RTN1: variants seen among roughly 807,000 people sequenced by gnomAD.
RTN1 encodes reticulon-1.
A neutral mutation model predicts 65.5 loss-of-function variants in RTN1; 25 were observed. The ratio of observed to expected loss-of-function variants is 0.38; its 90% CI spans 0.28 to 0.53. The LOEUF is 0.53. RTN1 is among the 20% of genes least tolerant of loss of function. The pLI, the probability that RTN1 is intolerant of heterozygous loss-of-function variation, is 0.79. For synonymous variants in RTN1, 471 were observed against 447.6 expected (o/e 1.05, Z -0.66); for missense variants, 983 against 1,025.4 (o/e 0.96, Z 0.57).
At chr14:59,864,989 T>C (rs1423632195) in intron 1 of RTN1, among the ~76,000 whole-genome samples, 1 of 152,200 alleles carries the variant, frequency 6.6e-6, no homozygotes, top group East Asian at 1.9e-4. Flanking sequence ...GAGCATGCTT[T>C]CTATATCTTT....
In RTN1 at chr14:59,746,476, C is replaced by A; in HGVS notation, c.247G>T (p.Ala83Ser). 1 of 1,578,698 alleles carries A rather than the reference C, an allele frequency of 6.3e-7. No homozygotes were observed. The highest frequency in any genetic ancestry group is 8.6e-7 in the Non-Finnish European group (1 of 1,164,298). ...TGGTCCATGGCACTGGAAACACCTGCCACACCTATGAATCAAAGCAGCAGC... is the reference window on the plus strand; with the variant it reads ...TGGTCCATGGCACTGGAAACACCTGACACACCTATGAATCAAAGCAGCAGC... ...VAMETASTGV[A>S]GVSSAMDHTF... The change falls in exon 2 of 9, where the codon GCA becomes TCA. Residue 83 changes from alanine (A) to serine (S), a missense_variant. Ala to Ser is a moderately conservative substitution (Grantham distance 99, BLOSUM62 1). This residue lies in a region of RTN1 where 818 missense variants were observed against 801.8 expected (regional missense o/e 1.02). Coordinates refer to ENST00000267484, the MANE Select transcript of RTN1 (RefSeq NM_021136.3).
At chr14:59,867,610 T>C (rs892091646) in intron 1 of RTN1, among the ~76,000 whole-genome samples, 31 of 152,228 alleles carry the variant, frequency 2.0e-4, no homozygotes, top group Admixed American at 1.7e-3. Context: ...TTTTTGGAAA[T>C]GTTCCTGGGA....
chr14:59,667,688 C>A (rs1158200148), intron 3 of RTN1, among the ~76,000 whole-genome samples: 3 of 152,166 alleles, frequency 2.0e-5, no homozygotes, highest in Non-Finnish European at 4.4e-5. Context: ...TTGCAGATGA[C>A]ATGACTGTAT....
intron 8 of RTN1, among the ~76,000 whole-genome samples, chr14:59,600,666 C>T (rs1323250923): frequency 6.6e-6 from 1 of 152,108 alleles, no homozygotes; most frequent in African/African-American, 2.4e-5. Context: ...GTTGTTTCCT[C>T]CTCTCTGATA....
chr14:59,811,221 T>C (rs1359987194), intron 1 of RTN1, among the ~76,000 whole-genome samples: 1 of 152,072 alleles, frequency 6.6e-6, no homozygotes, highest in Non-Finnish European at 1.5e-5. Flanking sequence ...TATCACTGAG[T>C]TGTATTAGTC....
Position 59,645,654 on chromosome 14 carries a change from A to T in RTN1, c.1766-38162T>A, listed in dbSNP as rs955425040. ...CTTGTCTCCAGGCTCTAGAGAGTCC[A>T]TGGGGACCCGGCACTGGTCTGAACC... On this transcript the variant is annotated intron_variant, in intron 3 of 8. Coordinates refer to ENST00000267484, the MANE Select transcript of RTN1 (RefSeq NM_021136.3). 4.6e-5 allele frequency among the ~76,000 whole-genome samples: 7 copies of T among 152,270 alleles called. No individual in the cohort carries two copies. In the East Asian group the frequency reaches 1.2e-3, roughly 25 times the overall value.
chr14:59,832,458 A>C, intron 1 of RTN1, among the ~76,000 whole-genome samples: 1 of 152,178 alleles, frequency 6.6e-6, no homozygotes, highest in South Asian at 2.1e-4. Context: ...AGGGGCTTCC[A>C]CTTGCACCTG....
At chr14:59,644,863 A>C (rs571426121) in intron 3 of RTN1, among the ~76,000 whole-genome samples, 18 of 151,862 alleles carry the variant, frequency 1.2e-4, no homozygotes, top group Non-Finnish European at 2.2e-4. Context: ...CTTGCTTCTC[A>C]TGGGGCAGGA....
chr14:59,766,524 G>C lies in RTN1; in HGVS notation c.242-20043C>G, dbSNP rs1197885080. ...GGGGAAGAAACTAGGGGTTCAAATA[G>C]AGCTATCCAGTTACCTCCTAGCTTC... On this transcript the variant is annotated intron_variant, in intron 1 of 8. Transcript: ENST00000267484. This position sits in a 1 kb window ranked among gnomAD's most constrained non-coding sequence, Gnocchi z 4.4. Among the ~76,000 whole-genome samples, 1 of 152,174 alleles carries C rather than the reference G, an allele frequency of 6.6e-6. No individual in the cohort carries two copies. The highest frequency in any genetic ancestry group is 1.5e-5 in the Non-Finnish European group (1 of 68,034).
chr14:59,820,602 A>G (rs1407824595), intron 1 of RTN1, among the ~76,000 whole-genome samples: 1 of 152,024 alleles, frequency 6.6e-6, no homozygotes, highest in African/African-American at 2.4e-5. Context: ...GGGTCGGTGC[A>G]GTTTCAGTCT....
chr14:59,853,130 T>C (rs890596100), intron 1 of RTN1, among the ~76,000 whole-genome samples: 8 of 152,326 alleles, frequency 5.3e-5, no homozygotes, highest in Non-Finnish European at 8.8e-5. Flanking sequence ...AAAAGACTTC[T>C]GAAAAATTCC....
intron 1 of RTN1, among the ~76,000 whole-genome samples, chr14:59,835,431 C>A (rs1594761026): frequency 6.6e-6 from 1 of 152,042 alleles, no homozygotes; most frequent in East Asian, 1.9e-4. Context: ...TTATTGTACC[C>A]TTTAAATTTG....
intron 2 of RTN1, among the ~76,000 whole-genome samples, chr14:59,739,621 C>A (rs1338518941): frequency 1.3e-5 from 2 of 151,294 alleles, no homozygotes; most frequent in African/African-American, 4.9e-5. Flanking sequence ...TGAATTATGA[C>A]AACTGGAGGT....
chr14:59,822,135 G>A (rs187480168), intron 1 of RTN1, among the ~76,000 whole-genome samples: 1 of 152,296 alleles, frequency 6.6e-6, no homozygotes. Flanking sequence ...GAATCCATCT[G>A]GCCTGGGGCC....
At chr14:59,644,991 AGCC>A (rs2140194483) in intron 3 of RTN1, among the ~76,000 whole-genome samples, 1 of 151,974 alleles carries the variant, frequency 6.6e-6, no homozygotes, top group Admixed American at 6.5e-5. Flanking sequence ...GCTGTTTCAC[AGCC>A]TTAGCTCTTC....
chr14:59,639,874 C>T (rs1594647457), intron 3 of RTN1, among the ~76,000 whole-genome samples: 1 of 152,272 alleles, frequency 6.6e-6, no homozygotes, highest in South Asian at 2.1e-4. Context: ...AATAACCTCA[C>T]ATGGCTTCTA....
At chr14:59,797,625 C>T (rs1375638180) in intron 1 of RTN1, among the ~76,000 whole-genome samples, 1 of 152,130 alleles carries the variant, frequency 6.6e-6, no homozygotes, top group Admixed American at 6.5e-5. Flanking sequence ...CATCTGAATG[C>T]CACTAAATAT....
intron 1 of RTN1, among the ~76,000 whole-genome samples, chr14:59,776,435 C>A (rs1886051679): frequency 6.6e-6 from 1 of 152,154 alleles, no homozygotes; most frequent in Non-Finnish European, 1.5e-5. Context: ...TGCAGTAAAG[C>A]CTTCACCAAA....
chr14:59,653,052 G>C (rs942085370), intron 3 of RTN1, among the ~76,000 whole-genome samples: 6 of 152,010 alleles, frequency 3.9e-5, no homozygotes, highest in African/African-American at 1.4e-4. Flanking sequence ...TTTAAAAATG[G>C]ATTAGTCAAC....
Sources: allele counts gnomAD v4.1 joint callset (sites outside exome capture counted in the v4.1 genomes callset), GRCh38; gene constraint gnomAD v4.1.1; regional missense constraint gnomAD v4.1.1; non-coding constraint Gnocchi (gnomAD v3.1); transcripts MANE v1.5; gene names NCBI Gene and HGNC (gene_info 2026-07-23, HGNC 2026-07-21).